SLC12A2: variants seen among roughly 807,000 people sequenced by gnomAD.
SLC12A2 encodes the protein solute carrier family 12 member 2.
Under a neutral mutation model 136.3 loss-of-function variants are expected in SLC12A2, and 67 were observed. The ratio of observed to expected loss-of-function variants is 0.49; its 90% CI spans 0.40 to 0.60. The LOEUF (loss-of-function observed/expected upper bound fraction) is 0.60, where lower values mean the gene tolerates loss of function less well. SLC12A2 is among the 20% of genes least tolerant of loss of function. The probability of loss-of-function intolerance (pLI) is 0.00; values close to 1 mark genes in which losing one functional copy is unlikely to be tolerated. For missense variants in SLC12A2, 1,322 were observed against 1,534.7 expected, an observed-to-expected ratio of 0.86 and a Z score of 2.32; for synonymous variants, 619 against 562.9, an observed-to-expected ratio of 1.10 and a Z score of -1.41.
intron 16 of SLC12A2, among the ~76,000 whole-genome samples, chr5:128,160,819 G>T (rs1217601411): frequency 1.3e-5 from 2 of 151,646 alleles, no homozygotes; most frequent in African/African-American, 2.4e-5. Context: ...TGCTTATACA[G>T]TGGCAAAGTC....
chr5:128,110,245 G>C (rs994599907), intron 1 of SLC12A2: 1 of 807,120 alleles, frequency 1.2e-6, no homozygotes, highest in Admixed American at 1.7e-5. Flanking sequence ...ACATCCATCC[G>C]ACCTTTTCCT....
At chr5:128,178,767 T>A (rs1763611157) in intron 22 of SLC12A2, 78 bp downstream of exon 22, 2 of 1,121,198 alleles carry the variant, frequency 1.8e-6, no homozygotes, top group African/African-American at 3.2e-5. Flanking sequence ...ATGCACTCTT[T>A]ACCTGTGGAC....
rs770314166 is a variant in SLC12A2, at chr5:128,180,921, A to C, written c.3139A>C (p.Lys1047Gln). ...LLIPYLLTTKKKWKDCKIRVF... is the reference protein window; with the variant it reads ...LLIPYLLTTKQKWKDCKIRVF... ...GATACCTTACCTTCTGACGACCAAG[A>C]AAAAATGGAAAGACTGTAAGATCAG... Residue 1047 changes from lysine (K) to glutamine (Q), a missense_variant, in exon 23 of 27, where the codon AAA becomes CAA. Physicochemically the swap from Lys to Gln is moderately conservative, Grantham distance 53 (BLOSUM62 1). Transcript: ENST00000262461. The C allele has an allele frequency of 6.2e-7, 1 of 1,611,952 alleles. No individual in the cohort carries two copies. The highest frequency in any genetic ancestry group is 8.5e-7 in the Non-Finnish European group (1 of 1,178,192).
At chr5:128,093,137 TGTTC>T (rs1403255624) in intron 1 of SLC12A2, among the ~76,000 whole-genome samples, 4 of 152,126 alleles carry the variant, frequency 2.6e-5, no homozygotes, top group African/African-American at 9.7e-5. Context: ...GTTTTTGTTT[TGTTC>T]TGTTTTGTTT....
rs894469382 is a variant in SLC12A2 at position 128,178,807 on chromosome 5, A to C, written c.3100+118A>C. The C allele has an allele frequency of 4.7e-6, 3 of 632,244 alleles. No homozygotes were observed. The African/African-American group carries it at 5.7e-5, about 12-fold the overall frequency. The allele number at this position is 632,244 out of a possible 1,614,324, so 39.2% of individuals were successfully genotyped here. On this transcript the variant is annotated intron_variant, in intron 22 of 26. Coordinates refer to ENST00000262461, the MANE Select transcript of SLC12A2 (RefSeq NM_001046.3). ...TTCAAATTTTGCCAGCATTCCCAAA[A>C]GCAAAAGGATTAATTTCAGAATCAG...
intron 7 of SLC12A2, 86 bp downstream of exon 7, chr5:128,135,894 T>C: frequency 2.5e-6 from 2 of 799,118 alleles, no homozygotes; most frequent in Non-Finnish European, 4.2e-6. Flanking sequence ...TCAGATATTT[T>C]GTAACAGAAT....
chr5:128,113,043 T>G, intron 2 of SLC12A2, 110 bp downstream of exon 2: 3 of 918,690 alleles, frequency 3.3e-6, no homozygotes, highest in Non-Finnish European at 4.6e-6. Context: ...CTATGTTAAC[T>G]GTCTTATCTG....
At chr5:128,142,034 A>G in intron 10 of SLC12A2, 53 bp downstream of exon 10, 1 of 1,436,280 alleles carries the variant, frequency 7.0e-7, no homozygotes, top group Non-Finnish European at 9.8e-7. Context: ...TAGGGGTGAG[A>G]CTACTATCAA....
At chr5:128,123,108 A>G (rs1023626569) in intron 4 of SLC12A2, among the ~76,000 whole-genome samples, 1 of 152,054 alleles carries the variant, frequency 6.6e-6, no homozygotes, top group Non-Finnish European at 1.5e-5. Context: ...TTTATTATTA[A>G]TACTTCAGCT....
At position 128,188,289 on chromosome 5, in the gene SLC12A2, CTTTTTTTTTTTT is replaced by C. The variant is rs71949635; in HGVS notation, c.*1671_*1682del. On this transcript the variant is annotated 3_prime_UTR_variant, in exon 27 of 27. Coordinates refer to ENST00000262461, the MANE Select transcript of SLC12A2 (RefSeq NM_001046.3). ...AAATTTATGCAGGTTTTCACGAATC[CTTTTTTTTTTTT>C]TTTTTTTTTTTTGAGACGGAGTCTT... 2.3e-5 allele frequency: 2 copies of C among 85,514 alleles called. No homozygotes were observed. Among genetic ancestry groups the C allele is most frequent in the Admixed American group, 1.4e-4 (1 of 6,980 alleles). The allele number at this position is 85,514 out of a possible 1,614,324, so 5.3% of individuals were successfully genotyped here. A position where few individuals can be genotyped will look rare whatever the true frequency, so the allele number is the denominator to read the frequency against.
Position 128,174,635 on chromosome 5 carries a change from A to G in SLC12A2, c.2898A>G (p.Lys966=). The G allele has an allele frequency of 6.2e-7, 1 of 1,605,294 alleles. No homozygotes were observed. The highest frequency in any genetic ancestry group is 8.5e-7 in the Non-Finnish European group (1 of 1,175,890). The change falls in exon 20 of 27, where the codon AAA becomes AAG. Residue 966 remains lysine (K), a synonymous_variant. Transcript: ENST00000262461. ...YSKKSDLDTS[K]PLSEKPITHK... Reference sequence around the variant, plus strand: ...AAAAGTCCGATTTAGATACTTCCAAACCACTCAGTGAAAAACCAATTACAC... The same window carrying G: ...AAAAGTCCGATTTAGATACTTCCAAGCCACTCAGTGAAAAACCAATTACAC...
intron 4 of SLC12A2, 152 bp from the exon 5 acceptor site, chr5:128,130,915 A>C: frequency 3.1e-6 from 2 of 635,216 alleles, no homozygotes; most frequent in Non-Finnish European, 5.5e-6. Context: ...CTTTTTAGGT[A>C]TTTCTGAAAA....
At chr5:128,129,499 T>C (rs1761938320) in intron 4 of SLC12A2, among the ~76,000 whole-genome samples, 1 of 151,808 alleles carries the variant, frequency 6.6e-6, no homozygotes, top group African/African-American at 2.4e-5. Flanking sequence ...ATTTTCAGGA[T>C]CATGAAAACT....
At chr5:128,174,758 A>C in intron 20 of SLC12A2, 92 bp downstream of exon 20, 3 of 1,056,252 alleles carry the variant, frequency 2.8e-6, no homozygotes, top group Non-Finnish European at 3.9e-6. Flanking sequence ...TATAAAAATA[A>C]CCTGTTCTCA....
At chr5:128,152,864 A>C in intron 15 of SLC12A2, 59 bp downstream of exon 15, 1 of 1,004,258 alleles carries the variant, frequency 1.0e-6, no homozygotes, top group Non-Finnish European at 1.6e-6. Flanking sequence ...GTCAGTTCTT[A>C]TTTTTCATTG....
Position 128,186,948 on chromosome 5 carries a change from CT to C in SLC12A2, c.*320del. The C allele has an allele frequency of 5.0e-6, 1 of 199,756 alleles. No individual in the cohort carries two copies. The highest frequency in any genetic ancestry group is 1.0e-5 in the Non-Finnish European group (1 of 98,378). The allele number at this position is 199,756 out of a possible 1,614,324, so 12.4% of individuals were successfully genotyped here. A position where few individuals can be genotyped will look rare whatever the true frequency, so the allele number is the denominator to read the frequency against. Reference sequence around the variant, plus strand: ...GATTGATGAAAGAAGTACAAAAAGCCTTTAGCCTTGAGGTGCCTTCTGAAAT... The same window carrying C: ...GATTGATGAAAGAAGTACAAAAAGCCTTAGCCTTGAGGTGCCTTCTGAAAT... On this transcript the variant is annotated 3_prime_UTR_variant, in exon 27 of 27. Transcript: ENST00000262461.
At chr5:128,093,489 G>A (rs1760413533) in intron 1 of SLC12A2, among the ~76,000 whole-genome samples, 1 of 152,002 alleles carries the variant, frequency 6.6e-6, no homozygotes, top group Non-Finnish European at 1.5e-5. Context: ...CACAAACTTA[G>A]TATTTCTTCC....
chr5:128,147,737 T>C lies in SLC12A2; in HGVS notation c.1881+8T>C, dbSNP rs1326748746. ...GCTCCCAAAATATTTCAGGTAAGTG[T>C]TTTTATATTACAGGCTTTATTAAAG... On this transcript the variant is annotated splice_region_variant and intron_variant, in intron 11 of 26. Transcript: ENST00000262461. 1 of 1,507,900 alleles carries C rather than the reference T, an allele frequency of 6.6e-7. No individual in the cohort carries two copies. Among genetic ancestry groups the C allele is most frequent in the Admixed American group, 1.7e-5 (1 of 59,422 alleles). 93.4% of individuals were successfully genotyped at this position (1,507,900 alleles called of 1,614,324 possible). A position where few individuals can be genotyped will look rare whatever the true frequency, so the allele number is the denominator to read the frequency against.
At chr5:128,146,360 C>T in intron 10 of SLC12A2, among the ~76,000 whole-genome samples, 1 of 151,710 alleles carries the variant, frequency 6.6e-6, no homozygotes, top group Non-Finnish European at 1.5e-5. Flanking sequence ...TAGGGTCACA[C>T]ATGGCATTTA....
Sources: allele counts gnomAD v4.1 joint callset (sites outside exome capture counted in the v4.1 genomes callset), GRCh38; gene constraint gnomAD v4.1.1; transcripts MANE v1.5; gene names NCBI Gene and HGNC (gene_info 2026-07-23, HGNC 2026-07-21).